The following CLIC5 variants were observed in gnomAD, a reference collection of about 807,000 sequenced individuals.
CLIC5 encodes the protein chloride intracellular channel protein 5.
CLIC5 carries 20 observed loss-of-function variants against 24.7 expected under a neutral mutation model. The observed-to-expected ratio is 0.81, with a 90% CI of 0.57 to 1.18. The LOEUF (loss-of-function observed/expected upper bound fraction) is 1.18, where lower values mean the gene tolerates loss of function less well. CLIC5 is among the 50% of genes most tolerant of loss of function. CLIC5 has a pLI of 0.00. For synonymous variants in CLIC5, 159 were observed against 135.6 expected (o/e 1.17, Z -1.20); for missense variants, 341 against 326.1 (o/e 1.05, Z -0.35).
intron 1 of CLIC5, among the ~76,000 whole-genome samples, chr6:45,976,836 G>T (rs754969108): frequency 6.6e-6 from 1 of 152,156 alleles, no homozygotes; most frequent in Non-Finnish European, 1.5e-5. Flanking sequence ...ATAGACAAAA[G>T]GCAGCTTGTC....
intron 4 of CLIC5, among the ~76,000 whole-genome samples, chr6:45,924,034 T>C (rs955712418): frequency 2.6e-5 from 4 of 152,208 alleles, no homozygotes; most frequent in African/African-American, 9.7e-5. Context: ...CTGTAAGCAG[T>C]TGTTATGTAC....
chr6:46,053,874 T>A (rs1768174011), intron 1 of CLIC5, among the ~76,000 whole-genome samples: 1 of 152,182 alleles, frequency 6.6e-6, no homozygotes, highest in African/African-American at 2.4e-5. Flanking sequence ...TTTGACCATT[T>A]ACAACCTCTG....
chr6:46,062,737 T>G (rs1762321731), intron 1 of CLIC5, among the ~76,000 whole-genome samples: 3 of 152,230 alleles, frequency 2.0e-5, no homozygotes, highest in Admixed American at 2.0e-4. Context: ...TTTTCCTAGG[T>G]ACGCATCACA....
intron 1 of CLIC5, among the ~76,000 whole-genome samples, chr6:46,035,533 C>T (rs7771217): frequency 6.6e-6 from 1 of 152,136 alleles, no homozygotes; most frequent in South Asian, 2.1e-4. Flanking sequence ...GATATTGAAT[C>T]TTGCAGAATT....
In CLIC5 at chr6:46,051,637, T is replaced by G. The variant is rs184885129; in HGVS notation, c.540+28066A>C. On this transcript the variant is annotated intron_variant, in intron 1 of 5. Transcript: ENST00000185206. ...GGTTAGAGAATGCTCAAATGTCTTT[T>G]CCCTTTCACGTTCTAACTGCTGTGA... is the stretch of plus-strand genomic sequence containing the variant. Among the ~76,000 whole-genome samples the G allele has an allele frequency of 2.0e-5, 3 of 152,334 alleles. No individual in the cohort carries two copies. The East Asian group carries it at 5.8e-4, about 29-fold the overall frequency.
rs1213265196 is a variant in CLIC5, at chr6:46,080,187, T to C, written c.56A>G (p.Tyr19Cys). The change falls in exon 1 of 6, where the codon TAT becomes TGT. Residue 19 changes from tyrosine to cysteine, a missense_variant. Transcript: ENST00000185206. ...TTCTTCTGGCTGGTCTGGAACCTCATACGTCCTCTCATTTTGGATTGTGTC... is the reference window on the plus strand; with the variant it reads ...TTCTTCTGGCTGGTCTGGAACCTCACACGTCCTCTCATTTTGGATTGTGTC... The C allele has an allele frequency of 1.3e-6, 2 of 1,551,706 alleles. No individual in the cohort carries two copies. Among genetic ancestry groups the C allele is most frequent in the Non-Finnish European group, 1.7e-6 (2 of 1,146,978 alleles).
chr6:46,039,621 A>T (rs997165836), intron 1 of CLIC5, among the ~76,000 whole-genome samples: 1 of 152,156 alleles, frequency 6.6e-6, no homozygotes, highest in African/African-American at 2.4e-5. Context: ...CTGAGATATA[A>T]TTATAAATAA....
At chr6:46,029,518 C>A (rs527436634) in intron 1 of CLIC5, among the ~76,000 whole-genome samples, 2 of 152,290 alleles carry the variant, frequency 1.3e-5, no homozygotes, top group South Asian at 4.2e-4. Flanking sequence ...TCCAATGTAC[C>A]TTTATGCCTT....
chr6:45,943,776 C>G lies in CLIC5; in HGVS notation c.300-2123G>C, dbSNP rs143075250. ...CAAATCCAAGATGATGACAGAGGAT[C>G]GTGTATTCAGGGGGCTGTGGTGGTG... On this transcript the variant is annotated intron_variant, in intron 3 of 5. Transcript: ENST00000339561. 7.3e-3 allele frequency among the ~76,000 whole-genome samples: 1,106 copies of G among 152,186 alleles called. 19 individuals are homozygous for G. The highest frequency in any genetic ancestry group is 0.027 in the Admixed American group (420 of 15,284).
intron 4 of CLIC5, among the ~76,000 whole-genome samples, chr6:45,940,912 T>TG (rs941898208): frequency 6.6e-6 from 1 of 152,106 alleles, no homozygotes; most frequent in Admixed American, 6.5e-5. Context: ...TGAGCATAAC[T>TG]GGGGGGGACT....
chr6:45,967,600 G>T (rs1326691587), intron 1 of CLIC5, among the ~76,000 whole-genome samples: 1 of 152,176 alleles, frequency 6.6e-6, no homozygotes, highest in Non-Finnish European at 1.5e-5. Flanking sequence ...GGCTGTTTTT[G>T]TGTTCTGTAA....
intron 1 of CLIC5, among the ~76,000 whole-genome samples, chr6:45,963,066 C>T (rs1226818488): frequency 6.6e-6 from 1 of 152,198 alleles, no homozygotes; most frequent in African/African-American, 2.4e-5. Context: ...TATTTCATGT[C>T]CCGCTATTTG....
the CLIC5 span, among the ~76,000 whole-genome samples, chr6:46,108,565 T>A: frequency 2.5e-3 from 382 of 152,026 alleles, 3 homozygotes; most frequent in African/African-American, 8.8e-3. Context: ...CTTGGCTGAT[T>A]TTTTTGTATT....
intron 1 of CLIC5, among the ~76,000 whole-genome samples, chr6:46,032,981 ATTTTTTTTT>A (rs35845581): frequency 2.5e-5 from 2 of 79,034 alleles, no homozygotes; most frequent in East Asian, 3.6e-4. Context: ...GGAAATCTAC[ATTTTTTTTT>A]TTTTTTTTTT....
At chr6:46,105,885 G>A in the CLIC5 span, among the ~76,000 whole-genome samples, 4 of 152,302 alleles carry the variant, frequency 2.6e-5, no homozygotes, top group South Asian at 4.1e-4. Context: ...CACTACAGGC[G>A]GCTATGTATT....
intron 6 of CLIC5, among the ~76,000 whole-genome samples, chr6:45,885,180 A>G (rs1268447777): frequency 6.6e-6 from 1 of 152,082 alleles, no homozygotes; most frequent in African/African-American, 2.4e-5. Flanking sequence ...GGGGCCTTTG[A>G]GAGGAGGAGC....
At chr6:46,013,255 C>T (rs114404675) in intron 1 of CLIC5, among the ~76,000 whole-genome samples, 3 of 152,358 alleles carry the variant, frequency 2.0e-5, no homozygotes, top group Non-Finnish European at 4.4e-5. Flanking sequence ...ACACCATCAA[C>T]AAGAAGGCCT....
chr6:45,965,509 G>T (rs1264289888), intron 1 of CLIC5, among the ~76,000 whole-genome samples: 3 of 152,132 alleles, frequency 2.0e-5, no homozygotes, highest in African/African-American at 7.2e-5. Context: ...AGCTCTTTAA[G>T]GTACTGTCAT....
chr6:45,981,461 T>A (rs1765566322), intron 1 of CLIC5, among the ~76,000 whole-genome samples: 4 of 152,152 alleles, frequency 2.6e-5, no homozygotes, highest in Admixed American at 2.6e-4. Context: ...AGTAATGTGG[T>A]TTCTCAAGGC....
Sources: gnomAD v4.1 joint callset for allele counts (sites outside exome capture counted in the v4.1 genomes callset) on GRCh38, gnomAD v4.1.1 for gene constraint, MANE v1.5 for transcripts, NCBI Gene and HGNC (gene_info 2026-07-23, HGNC 2026-07-21) for gene names.